The following BBS9 variants were observed in gnomAD, a reference collection of about 807,000 sequenced individuals.
BBS9 encodes the protein Bardet-Biedl syndrome 9.
BBS9 carries 89 observed loss-of-function variants against 117.7 expected under a neutral mutation model. The ratio of observed to expected loss-of-function variants is 0.76; its 90% CI spans 0.64 to 0.90. The LOEUF (loss-of-function observed/expected upper bound fraction) is 0.90, where lower values mean the gene tolerates loss of function less well. Ranked by LOEUF, BBS9 falls within the 40% of genes least tolerant of loss-of-function variation. The pLI, the probability that BBS9 is intolerant of heterozygous loss-of-function variation, is 0.00. For synonymous variants in BBS9, 379 were observed against 370.9 expected (o/e 1.02, Z -0.25); for missense variants, 982 against 1,042.2 (o/e 0.94, Z 0.80).
chr7:33,290,619 C>G (rs773425519), intron 9 of BBS9, among the ~76,000 whole-genome samples: 5 of 152,068 alleles, frequency 3.3e-5, no homozygotes, highest in Non-Finnish European at 7.4e-5. Flanking sequence ...GTTTGCAGAA[C>G]GATTTGGTCT....
At chr7:33,611,863 G>T (rs1585475439) in intron 21 of BBS9, among the ~76,000 whole-genome samples, 1 of 136,918 alleles carries the variant, frequency 7.3e-6, no homozygotes. Context: ...ATATATAAAG[G>T]AATAAATATA....
intron 21 of BBS9, among the ~76,000 whole-genome samples, chr7:33,554,923 A>G (rs1291062059): frequency 6.6e-6 from 1 of 152,192 alleles, no homozygotes; most frequent in Non-Finnish European, 1.5e-5. Flanking sequence ...GAAAACTCTG[A>G]GAAAGCAGCC....
intron 21 of BBS9, among the ~76,000 whole-genome samples, chr7:33,544,868 G>A (rs1486342592): frequency 6.6e-6 from 1 of 152,046 alleles, no homozygotes; most frequent in Non-Finnish European, 1.5e-5. Context: ...GGGTCTTGTT[G>A]CAGCTGCTGT....
intron 19 of BBS9, among the ~76,000 whole-genome samples, chr7:33,461,453 C>A (rs1839453209): frequency 6.6e-6 from 1 of 151,876 alleles, no homozygotes; most frequent in South Asian, 2.1e-4. Flanking sequence ...AACATATCCA[C>A]CACTTTTTCC....
At chr7:33,561,323 A>T (rs1282107279) in intron 21 of BBS9, among the ~76,000 whole-genome samples, 1 of 152,136 alleles carries the variant, frequency 6.6e-6, no homozygotes, top group Non-Finnish European at 1.5e-5. Context: ...GTCCTGTCTT[A>T]TTTCCTACTT....
At chr7:33,184,095 CACAG>C (rs1025341919) in intron 5 of BBS9, among the ~76,000 whole-genome samples, 59 of 131,866 alleles carry the variant, frequency 4.5e-4, no homozygotes, top group African/African-American at 1.5e-3. Flanking sequence ...GCAGTTTGCA[CACAG>C]AGAGAGAGAG....
chr7:33,193,430 T>G (rs1784465478), intron 5 of BBS9, among the ~76,000 whole-genome samples: 3 of 151,082 alleles, frequency 2.0e-5, no homozygotes, highest in Non-Finnish European at 3.0e-5. Context: ...GCCTTTTTTT[T>G]TTTTTTTTTT....
At chr7:33,584,839 A>T (rs1269905650) in intron 21 of BBS9, among the ~76,000 whole-genome samples, 1 of 152,136 alleles carries the variant, frequency 6.6e-6, no homozygotes, top group Non-Finnish European at 1.5e-5. Flanking sequence ...CTTCCTAGAA[A>T]TGTTAAATGT....
intron 21 of BBS9, among the ~76,000 whole-genome samples, chr7:33,546,181 C>A (rs1334351001): frequency 6.6e-6 from 1 of 152,076 alleles, no homozygotes; most frequent in Non-Finnish European, 1.5e-5. Context: ...GATCCGCCCA[C>A]CTCGGCCTCC....
chr7:33,613,632 A>G (rs1864989456), intron 21 of BBS9, among the ~76,000 whole-genome samples: 8 of 151,990 alleles, frequency 5.3e-5, no homozygotes, highest in Admixed American at 5.3e-4. Context: ...GCTTAAGTGG[A>G]TATTTTTTGA....
At chr7:33,208,043 A>G (rs1583630057) in intron 5 of BBS9, among the ~76,000 whole-genome samples, 1 of 152,118 alleles carries the variant, frequency 6.6e-6, no homozygotes, top group South Asian at 2.1e-4. Context: ...TCCTGACCTC[A>G]GGTGATCCAC....
intron 19 of BBS9, among the ~76,000 whole-genome samples, chr7:33,415,790 CATT>C (rs1373566797): frequency 6.6e-6 from 1 of 152,154 alleles, no homozygotes; most frequent in African/African-American, 2.4e-5. Context: ...CTTGATCAGA[CATT>C]ATAATTGGCT....
At position 33,368,112 on chromosome 7, in the gene BBS9, G is replaced by C. The variant is rs3735420; in HGVS notation, c.1789+250G>C. ...TTCACCAAAAATCAGATATGTAACT[G>C]ATATATTCACTTTATCAGAGTGTAT... On this transcript the variant is annotated intron_variant, in intron 17 of 22. Transcript: ENST00000242067. 0.15 allele frequency among the ~76,000 whole-genome samples: 23,507 copies of C among 152,098 alleles called. 2,267 individuals are homozygous for C. Among genetic ancestry groups the C allele is most frequent in the South Asian group, 0.21 (1,000 of 4,820 alleles).
chr7:33,391,347 C>T (rs1323678640), intron 19 of BBS9, among the ~76,000 whole-genome samples: 6 of 152,094 alleles, frequency 3.9e-5, no homozygotes, highest in Admixed American at 3.3e-4. Flanking sequence ...ACCTGTTTAG[C>T]GTTTTTTTTC....
chr7:33,473,142 T>G (rs528848458), intron 19 of BBS9, among the ~76,000 whole-genome samples: 1 of 152,332 alleles, frequency 6.6e-6, no homozygotes. Flanking sequence ...AAAGATTATG[T>G]CTTCCCCTAC....
intron 19 of BBS9, among the ~76,000 whole-genome samples, chr7:33,461,784 A>AT (rs1839503158): frequency 6.6e-6 from 1 of 151,978 alleles, no homozygotes; most frequent in Non-Finnish European, 1.5e-5. Context: ...AATAGAATTA[A>AT]TTTTTTTCTT....
intron 9 of BBS9, chr7:33,314,128 T>A: frequency 4.5e-6 from 1 of 224,638 alleles, no homozygotes; most frequent in Non-Finnish European, 9.1e-6. Flanking sequence ...ATTTGCTAAA[T>A]GCTTGACTTA....
chr7:33,557,705 A>G (rs1563357176), intron 21 of BBS9, among the ~76,000 whole-genome samples: 1 of 152,208 alleles, frequency 6.6e-6, no homozygotes, highest in Non-Finnish European at 1.5e-5. Context: ...TAAGGAGCGC[A>G]TCTAAGTTGA....
chr7:33,377,971 T>A (rs1824208739), intron 17 of BBS9, among the ~76,000 whole-genome samples: 1 of 152,280 alleles, frequency 6.6e-6, no homozygotes, highest in South Asian at 2.1e-4. Context: ...AGTACTGTAG[T>A]ATTATATATG....
Sources: gnomAD v4.1 joint callset for allele counts (sites outside exome capture counted in the v4.1 genomes callset) on GRCh38, gnomAD v4.1.1 for gene constraint, MANE v1.5 for transcripts, NCBI Gene and HGNC (gene_info 2026-07-23, HGNC 2026-07-21) for gene names.